Variants in ABCB5 observed in about 807,000 individuals in gnomAD.
The protein encoded by ABCB5 is ATP-binding cassette sub-family B member 5.
A neutral mutation model predicts 144.2 loss-of-function variants in ABCB5; 155 were observed. That is an observed-to-expected ratio of 1.08 (90% CI 0.94 to 1.23). The LOEUF (loss-of-function observed/expected upper bound fraction) is 1.23, where lower values mean the gene tolerates loss of function less well. Among genes scored for constraint, ABCB5 ranks in the 50% most tolerant of loss-of-function variants. The pLI is 0.00. For missense variants in ABCB5, 1,830 were observed against 1,520.8 expected (o/e 1.20, Z -3.38); for synonymous variants, 610 against 528.6 (o/e 1.15, Z -2.11).
intron 10 of ABCB5, 24 bp downstream of exon 10, chr7:20,647,672 G>A (rs1784450358): frequency 1.3e-6 from 2 of 1,546,064 alleles, no homozygotes; most frequent in Non-Finnish European, 8.7e-7. Context: ...TTGCTTTGAA[G>A]AATAACTATC....
chr7:20,729,059 A>C (rs1347957457), intron 23 of ABCB5, among the ~76,000 whole-genome samples: 1 of 152,242 alleles, frequency 6.6e-6, no homozygotes, highest in African/African-American at 2.4e-5. Flanking sequence ...ATTGACAGAC[A>C]ATAATTGTAC....
chr7:20,686,602 G>T (rs1786009402), intron 16 of ABCB5, among the ~76,000 whole-genome samples: 1 of 152,050 alleles, frequency 6.6e-6, no homozygotes, highest in African/African-American at 2.4e-5. Context: ...CTGAGCTCCA[G>T]CCCTCTTCCC....
At chr7:20,641,165 A>G (rs556721824) in intron 5 of ABCB5, among the ~76,000 whole-genome samples, 40 of 152,264 alleles carry the variant, frequency 2.6e-4, no homozygotes, top group Admixed American at 8.5e-4. Context: ...TGTGAACTCT[A>G]TGTCCTGCAA....
At chr7:20,625,206 G>T (rs1418508639) in intron 2 of ABCB5, among the ~76,000 whole-genome samples, 1 of 152,180 alleles carries the variant, frequency 6.6e-6, no homozygotes, top group African/African-American at 2.4e-5. Flanking sequence ...CGGAACTCAA[G>T]TAAATTATTA....
intron 11 of ABCB5, among the ~76,000 whole-genome samples, chr7:20,648,511 C>T (rs1356339906): frequency 6.6e-6 from 1 of 152,106 alleles, no homozygotes; most frequent in Non-Finnish European, 1.5e-5. Context: ...AGTACTTTAT[C>T]GCCTTTACAC....
intron 20 of ABCB5, among the ~76,000 whole-genome samples, chr7:20,712,707 G>A (rs1236526104): frequency 6.7e-6 from 1 of 148,516 alleles, no homozygotes; most frequent in African/African-American, 2.5e-5. Flanking sequence ...TTTTAATATG[G>A]ACTTTTTTAT....
chr7:20,705,775 T>A (rs913052472), intron 20 of ABCB5, among the ~76,000 whole-genome samples: 4 of 152,052 alleles, frequency 2.6e-5, no homozygotes, highest in African/African-American at 4.8e-5. Flanking sequence ...TAGAGATTAT[T>A]TCCACAGGAT....
chr7:20,672,815 T>C (rs1785491199), intron 14 of ABCB5, among the ~76,000 whole-genome samples: 1 of 152,144 alleles, frequency 6.6e-6, no homozygotes, highest in African/African-American at 2.4e-5. Flanking sequence ...TCTTGGCACC[T>C]TTGTAAAAAA....
At chr7:20,752,618 G>A (rs1475120106) in intron 26 of ABCB5, among the ~76,000 whole-genome samples, 2 of 152,228 alleles carry the variant, frequency 1.3e-5, no homozygotes, top group African/African-American at 2.4e-5. Flanking sequence ...GGAGGCTGAG[G>A]AGGGTGGATC....
At chr7:20,633,701 G>A (rs1398316279) in intron 5 of ABCB5, among the ~76,000 whole-genome samples, 1 of 152,018 alleles carries the variant, frequency 6.6e-6, no homozygotes, top group African/African-American at 2.4e-5. Flanking sequence ...TAGCACTATA[G>A]GACATTAGAA....
At chr7:20,693,602 T>C (rs1391594122) in intron 16 of ABCB5, among the ~76,000 whole-genome samples, 1 of 152,084 alleles carries the variant, frequency 6.6e-6, no homozygotes, top group African/African-American at 2.4e-5. Context: ...CTTAAAGTGA[T>C]ACTGAGAAAG....
chr7:20,632,131 G>A lies in ABCB5; in HGVS notation c.314+18G>A, dbSNP rs778073768. The A allele has an allele frequency of 4.0e-5, 59 of 1,470,462 alleles. No homozygotes were observed. The highest frequency in any genetic ancestry group is 2.1e-4 in the African/African-American group (15 of 70,068). 91.1% of individuals were successfully genotyped at this position (1,470,462 alleles called of 1,614,324 possible). On this transcript the variant is annotated intron_variant, in intron 5 of 27. Transcript: ENST00000404938. ...ATGACTCTGTAAGTCCAAATGAAAC[G>A]TTAATATCACATTCGTTGAATGATG...
chr7:20,754,002 T>C (rs1035187675), intron 27 of ABCB5, among the ~76,000 whole-genome samples: 1 of 152,232 alleles, frequency 6.6e-6, no homozygotes, highest in African/African-American at 2.4e-5. Context: ...AGCAAGCTTC[T>C]CCAGCTGTTT....
At chr7:20,619,153 C>T (rs186007176) in intron 1 of ABCB5, among the ~76,000 whole-genome samples, 3 of 152,108 alleles carry the variant, frequency 2.0e-5, no homozygotes, top group East Asian at 3.9e-4. Context: ...GTGAATAGTG[C>T]TGTCATAAAC....
chr7:20,688,013 G>A (rs1039438749), intron 16 of ABCB5, among the ~76,000 whole-genome samples: 2 of 152,150 alleles, frequency 1.3e-5, no homozygotes, highest in Non-Finnish European at 2.9e-5. Context: ...CCAACATGGT[G>A]AAACCCTGCC....
chr7:20,619,478 C>T (rs1783762715), intron 1 of ABCB5, among the ~76,000 whole-genome samples: 1 of 152,156 alleles, frequency 6.6e-6, no homozygotes, highest in Admixed American at 6.5e-5. Flanking sequence ...ACTTGTATGT[C>T]TTCTCTTGAG....
At chr7:20,739,661 T>G (rs1859778) in intron 24 of ABCB5, among the ~76,000 whole-genome samples, 131,977 of 152,092 alleles carry the variant, frequency 0.87, 57,435 homozygotes, top group African/African-American at 0.93. Context: ...TATACTGAAT[T>G]CTACTGAGAA....
intron 21 of ABCB5, among the ~76,000 whole-genome samples, chr7:20,724,604 G>A (rs542807687): frequency 3.5e-5 from 5 of 141,222 alleles, no homozygotes; most frequent in South Asian, 2.3e-4. Context: ...ACTCCAACTT[G>A]GGCGACAGAG....
chr7:20,734,655 A>G (rs1782327587), intron 23 of ABCB5, among the ~76,000 whole-genome samples: 1 of 151,386 alleles, frequency 6.6e-6, no homozygotes. Flanking sequence ...CCTCTAAAAG[A>G]AAAAAAAAGA....
Sources: allele counts gnomAD v4.1 joint callset (sites outside exome capture counted in the v4.1 genomes callset), GRCh38; gene constraint gnomAD v4.1.1; transcripts MANE v1.5; gene names NCBI Gene and HGNC (gene_info 2026-07-23, HGNC 2026-07-21).